ADCY2: variants seen among roughly 807,000 people sequenced by gnomAD.
ADCY2 encodes adenylate cyclase 2.
A neutral mutation model predicts 125.2 loss-of-function variants in ADCY2; 31 were observed. The observed-to-expected ratio is 0.25, with a 90% CI of 0.19 to 0.33. The LOEUF (loss-of-function observed/expected upper bound fraction) is 0.33. Among genes scored for constraint, ADCY2 ranks in the 10% least tolerant of loss-of-function variants. The pLI is 1.00. For synonymous variants in ADCY2, 512 were observed against 548.4 expected (o/e 0.93, Z 0.93); for missense variants, 904 against 1,418.2 (o/e 0.64, Z 5.82).
intron 2 of ADCY2, among the ~76,000 whole-genome samples, chr5:7,494,338 G>C (rs1197086873): frequency 6.6e-6 from 1 of 151,966 alleles, no homozygotes; most frequent in Non-Finnish European, 1.5e-5. Context: ...TCATACCCCT[G>C]ATCAATTCTA....
rs529161117 is a variant in ADCY2 at position 7,828,711 on chromosome 5, C to A, written c.*1840C>A. 1 of 152,418 alleles carries A rather than the reference C, an allele frequency of 6.6e-6. No homozygotes were observed. Among genetic ancestry groups the A allele is most frequent in the African/African-American group, 2.4e-5 (1 of 41,550 alleles). 9.4% of individuals were successfully genotyped at this position (152,418 alleles called of 1,614,324 possible). ...TAAAGCAAGAGAATTATTACAAGGG[C>A]TTTTCTCTTTCCTCTAACTCATTCT... On this transcript the variant is annotated 3_prime_UTR_variant, in exon 25 of 25. Transcript: ENST00000338316.
intron 3 of ADCY2, among the ~76,000 whole-genome samples, chr5:7,546,681 G>C (rs1442575025): frequency 2.0e-5 from 3 of 152,208 alleles, no homozygotes; most frequent in Non-Finnish European, 2.9e-5. Context: ...TGGATCATGT[G>C]TTATGCTTAA....
At chr5:7,698,710 C>T (rs1740975423) in intron 7 of ADCY2, among the ~76,000 whole-genome samples, 1 of 152,206 alleles carries the variant, frequency 6.6e-6, no homozygotes, top group Non-Finnish European at 1.5e-5. Flanking sequence ...CTGCCAAGGG[C>T]ATGAACTCAT....
intron 15 of ADCY2, among the ~76,000 whole-genome samples, chr5:7,756,388 A>G (rs974120598): frequency 6.6e-6 from 1 of 152,166 alleles, no homozygotes; most frequent in Non-Finnish European, 1.5e-5. Context: ...CCCAACCCCG[A>G]TATGTATAGC....
intron 1 of ADCY2, among the ~76,000 whole-genome samples, chr5:7,413,439 G>A (rs950718630): frequency 3.3e-5 from 5 of 151,934 alleles, no homozygotes; most frequent in African/African-American, 4.8e-5. Context: ...GACCACAGGC[G>A]CCTGCCACCA....
chr5:7,559,297 C>T (rs1331643451), intron 3 of ADCY2, among the ~76,000 whole-genome samples: 2 of 152,158 alleles, frequency 1.3e-5, no homozygotes, highest in Non-Finnish European at 2.9e-5. Flanking sequence ...TTGATTCTTC[C>T]TATCCAGAAG....
chr5:7,610,255 G>A (rs545217780), intron 3 of ADCY2, among the ~76,000 whole-genome samples: 29 of 152,288 alleles, frequency 1.9e-4, no homozygotes, highest in African/African-American at 7.0e-4. Context: ...AAGTAGACCT[G>A]GGCAGTGCCC....
chr5:7,603,571 G>A (rs1480613577), intron 3 of ADCY2, among the ~76,000 whole-genome samples: 1 of 152,152 alleles, frequency 6.6e-6, no homozygotes, highest in Non-Finnish European at 1.5e-5. Flanking sequence ...TGGACGGAGA[G>A]TGCCCATGCA....
chr5:7,414,841 C>T, intron 2 of ADCY2, 71 bp downstream of exon 2: 1 of 1,390,376 alleles, frequency 7.2e-7, no homozygotes, highest in Non-Finnish European at 9.6e-7. Context: ...CTGTAAACAA[C>T]TTGGCCTTAA....
intron 24 of ADCY2, among the ~76,000 whole-genome samples, chr5:7,825,244 A>ACATGACAACGCTGCTGTGTGC (rs1745437637): frequency 8.2e-6 from 1 of 122,432 alleles, no homozygotes. Context: ...CTGCTGTGTG[A>ACATGACAACGCTGCTGTGTGC]CATGACAACG....
chr5:7,652,060 C>T (rs1426004494), intron 4 of ADCY2, among the ~76,000 whole-genome samples: 4 of 152,284 alleles, frequency 2.6e-5, no homozygotes, highest in South Asian at 2.1e-4. Flanking sequence ...CCTCGGCCTC[C>T]CAAAGTGCTG....
At chr5:7,513,356 G>C (rs1373134722) in intron 2 of ADCY2, among the ~76,000 whole-genome samples, 1 of 152,136 alleles carries the variant, frequency 6.6e-6, no homozygotes, top group Non-Finnish European at 1.5e-5. Flanking sequence ...CTTATGTGAA[G>C]TATTATCAAG....
chr5:7,459,735 A>G (rs147535312), intron 2 of ADCY2, among the ~76,000 whole-genome samples: 273 of 150,336 alleles, frequency 1.8e-3, no homozygotes, highest in African/African-American at 6.2e-3. Flanking sequence ...AACCTTAATA[A>G]GTCAAATAAA....
intron 2 of ADCY2, among the ~76,000 whole-genome samples, chr5:7,477,122 T>C (rs954165059): frequency 1.3e-5 from 2 of 152,160 alleles, no homozygotes; most frequent in African/African-American, 2.4e-5. Flanking sequence ...TATATTTATC[T>C]CCAGTTTCTT....
intron 4 of ADCY2, among the ~76,000 whole-genome samples, chr5:7,682,200 G>A (rs1323732342): frequency 6.6e-6 from 1 of 152,198 alleles, no homozygotes; most frequent in Admixed American, 6.5e-5. Flanking sequence ...TTTGTTGAGT[G>A]GAAGAAAGAA....
At chr5:7,578,928 A>C (rs2126609728) in intron 3 of ADCY2, among the ~76,000 whole-genome samples, 1 of 152,306 alleles carries the variant, frequency 6.6e-6, no homozygotes, top group African/African-American at 2.4e-5. Flanking sequence ...CTGGGTTAGG[A>C]CTAGGGCAAA....
At chr5:7,521,027 G>A in intron 3 of ADCY2, 128 bp downstream of exon 3, 1 of 1,148,364 alleles carries the variant, frequency 8.7e-7, no homozygotes, top group Non-Finnish European at 1.2e-6. Flanking sequence ...TGCCCCTTGA[G>A]ACTGACCCCC....
At chr5:7,450,334 A>G (rs1741427303) in intron 2 of ADCY2, among the ~76,000 whole-genome samples, 1 of 152,172 alleles carries the variant, frequency 6.6e-6, no homozygotes, top group Non-Finnish European at 1.5e-5. Context: ...GCTGATATAG[A>G]GAAAGTTTGA....
At chr5:7,810,464 G>T (rs929421213) in intron 22 of ADCY2, among the ~76,000 whole-genome samples, 5 of 149,296 alleles carry the variant, frequency 3.3e-5, no homozygotes, top group African/African-American at 1.2e-4. Flanking sequence ...TGGGTTTTCT[G>T]CTTGATTAGT....
Sources: allele counts gnomAD v4.1 joint callset (sites outside exome capture counted in the v4.1 genomes callset), GRCh38; gene constraint gnomAD v4.1.1; transcripts MANE v1.5; gene names NCBI Gene and HGNC (gene_info 2026-07-23, HGNC 2026-07-21).